The following PKIA variants were observed in gnomAD, a reference collection of about 807,000 sequenced individuals.
PKIA encodes the protein PKI-alpha.
A neutral mutation model predicts 7.6 loss-of-function variants in PKIA; 4 were observed. The ratio of observed to expected loss-of-function variants is 0.52; its 90% confidence interval spans 0.26 to 1.20. The LOEUF is 1.20. Ranked by LOEUF, PKIA falls within the 50% of genes most tolerant of loss-of-function variation. The pLI, the probability that PKIA is intolerant of heterozygous loss-of-function variation, is 0.13. For missense variants in PKIA, 73 were observed against 86.2 expected, an observed-to-expected ratio of 0.85 and a Z score of 0.61; for synonymous variants, 21 against 30.7, an observed-to-expected ratio of 0.68 and a Z score of 1.04.
rs369071575 is a variant in PKIA at position 78,589,769 on chromosome 8, T to G, written c.-27-8589T>G. ...GCAGTAAAAAAAAAAATTCATTTTC[T>G]TGAATCTCGACCTTTGAGTACACAT... is the stretch of plus-strand genomic sequence containing the variant. On this transcript the variant is annotated intron_variant, in intron 2 of 3. Transcript: ENST00000396418. Among the ~76,000 whole-genome samples, 5 of 152,048 alleles carry G rather than the reference T, an allele frequency of 3.3e-5. No individual in the cohort carries two copies. In the East Asian group the frequency reaches 7.7e-4, roughly 23 times the overall value.
intron 2 of PKIA, among the ~76,000 whole-genome samples, chr8:78,573,418 T>G (rs1437645271): frequency 1.3e-5 from 2 of 151,904 alleles, no homozygotes; most frequent in Admixed American, 6.6e-5. Context: ...ACAATCAAAG[T>G]GAGCACGTAT....
intron 1 of PKIA, among the ~76,000 whole-genome samples, chr8:78,567,785 C>T (rs533607710): frequency 9.0e-4 from 137 of 152,260 alleles, no homozygotes; most frequent in Admixed American, 1.8e-3. Flanking sequence ...CCCTTGTTTA[C>T]GCCAGTAAGA....
chr8:78,553,996 T>C (rs1281251671), intron 1 of PKIA, among the ~76,000 whole-genome samples: 10 of 151,806 alleles, frequency 6.6e-5, no homozygotes. Flanking sequence ...AGAAATAATT[T>C]CCAGAGATGA....
chr8:78,520,882 C>T (rs1174018406), intron 1 of PKIA, among the ~76,000 whole-genome samples: 1 of 152,064 alleles, frequency 6.6e-6, no homozygotes, highest in African/African-American at 2.4e-5. Context: ...TTTATTAGCC[C>T]TTACATTTCC....
intron 1 of PKIA, among the ~76,000 whole-genome samples, chr8:78,521,036 A>G (rs888795920): frequency 6.6e-6 from 1 of 152,136 alleles, no homozygotes; most frequent in African/African-American, 2.4e-5. Context: ...ACCTTGATTC[A>G]CAAAAAAGGC....
At chr8:78,524,108 A>ACATT (rs1375167528) in intron 1 of PKIA, among the ~76,000 whole-genome samples, 97 of 124,604 alleles carry the variant, frequency 7.8e-4, no homozygotes, top group African/African-American at 3.4e-3. Flanking sequence ...TTATATATAA[A>ACATT]TATATGTATA....
At chr8:78,554,163 C>A (rs915836868) in intron 1 of PKIA, among the ~76,000 whole-genome samples, 1 of 151,958 alleles carries the variant, frequency 6.6e-6, no homozygotes, top group Admixed American at 6.6e-5. Flanking sequence ...GTTCTTCATG[C>A]CATTTTTAAT....
intron 1 of PKIA, among the ~76,000 whole-genome samples, chr8:78,540,250 C>T (rs955897373): frequency 3.3e-5 from 5 of 151,906 alleles, no homozygotes; most frequent in African/African-American, 1.2e-4. Flanking sequence ...CCCCCTGCTA[C>T]CCCTGCCCCT....
At chr8:78,558,745 T>G (rs1158108425) in intron 1 of PKIA, among the ~76,000 whole-genome samples, 4 of 152,166 alleles carry the variant, frequency 2.6e-5, no homozygotes, top group Non-Finnish European at 4.4e-5. Flanking sequence ...GTATTTCCTT[T>G]ACATCAGGTG....
intron 1 of PKIA, among the ~76,000 whole-genome samples, chr8:78,554,413 A>G (rs566660661): frequency 6.6e-6 from 1 of 152,136 alleles, no homozygotes; most frequent in South Asian, 2.1e-4. Context: ...AAAGCCACCA[A>G]TATTTAAATC....
intron 1 of PKIA, among the ~76,000 whole-genome samples, chr8:78,569,380 C>T (rs1029492340): frequency 3.3e-5 from 5 of 151,966 alleles, no homozygotes; most frequent in Non-Finnish European, 5.9e-5. Flanking sequence ...AGGCCAAAGG[C>T]GGAGCTAAAC....
intron 2 of PKIA, 104 bp from the exon 3 acceptor site, chr8:78,598,254 T>C (rs1808273794): frequency 1.6e-6 from 1 of 615,152 alleles, no homozygotes; most frequent in Non-Finnish European, 2.6e-6. Context: ...TTTTGTGAAC[T>C]TGTAAACAGG....
chr8:78,592,807 C>A (rs1808132854), intron 2 of PKIA, among the ~76,000 whole-genome samples: 1 of 152,258 alleles, frequency 6.6e-6, no homozygotes, highest in Non-Finnish European at 1.5e-5. Flanking sequence ...TTCTCTGCCT[C>A]ATTTTTGGTA....
chr8:78,596,225 C>CT (rs377588869), intron 2 of PKIA, among the ~76,000 whole-genome samples: 7,617 of 150,588 alleles, frequency 0.051, 286 homozygotes, highest in Middle Eastern at 0.077. Context: ...TTGCTTTTGG[C>CT]TTTTTTTTTA....
intron 2 of PKIA, among the ~76,000 whole-genome samples, chr8:78,580,797 G>A (rs1308151341): frequency 2.0e-5 from 3 of 152,006 alleles, no homozygotes; most frequent in Non-Finnish European, 4.4e-5. Context: ...GGAAGTTGAA[G>A]TATGATATAG....
intron 1 of PKIA, among the ~76,000 whole-genome samples, chr8:78,527,973 T>C (rs1203901243): frequency 6.6e-6 from 1 of 152,114 alleles, no homozygotes; most frequent in African/African-American, 2.4e-5. Context: ...AATATAGACT[T>C]GTTCTTTGTG....
intron 2 of PKIA, among the ~76,000 whole-genome samples, chr8:78,578,151 C>G (rs1807720268): frequency 6.6e-6 from 1 of 151,976 alleles, no homozygotes; most frequent in Non-Finnish European, 1.5e-5. Flanking sequence ...AAACCTGAGT[C>G]TTAGTCTTCA....
intron 1 of PKIA, among the ~76,000 whole-genome samples, chr8:78,552,660 G>A (rs1807013345): frequency 6.6e-6 from 1 of 151,968 alleles, no homozygotes; most frequent in Admixed American, 6.6e-5. Flanking sequence ...GCCTTAAAAA[G>A]GCAAATTCTT....
At position 78,590,539 on chromosome 8, in the gene PKIA, C is replaced by T. The variant is rs1018621429; in HGVS notation, c.-27-7819C>T. On this transcript the variant is annotated intron_variant, in intron 2 of 3. Coordinates refer to ENST00000396418, the MANE Select transcript of PKIA (RefSeq NM_006823.4). Reference sequence around the variant, plus strand: ...AACTAAAACAACATGTTAAGAGATACTGAATGCAGAAGCAAATATGAGAAA... The same window carrying T: ...AACTAAAACAACATGTTAAGAGATATTGAATGCAGAAGCAAATATGAGAAA... 3.9e-4 allele frequency among the ~76,000 whole-genome samples: 60 copies of T among 151,950 alleles called. 1 individual carries two copies. The highest frequency in any genetic ancestry group is 3.9e-3 in the Admixed American group (59 of 15,264).
Sources: gnomAD v4.1 joint callset for allele counts (sites outside exome capture counted in the v4.1 genomes callset) on GRCh38, gnomAD v4.1.1 for gene constraint, MANE v1.5 for transcripts, NCBI Gene and HGNC (gene_info 2026-07-23, HGNC 2026-07-21) for gene names.